ALK: variants seen among roughly 807,000 people sequenced by gnomAD.
The protein encoded by ALK is ALK receptor tyrosine kinase.
A neutral mutation model predicts 163.1 loss-of-function variants in ALK; 74 were observed. The ratio of observed to expected loss-of-function variants is 0.45; its 90% CI spans 0.38 to 0.55. The LOEUF (loss-of-function observed/expected upper bound fraction) is 0.55. Among genes scored for constraint, ALK ranks in the 20% least tolerant of loss-of-function variants. The pLI, the probability that ALK is intolerant of heterozygous loss-of-function variation, is 0.00. For synonymous variants in ALK, 960 were observed against 843.2 expected (o/e 1.14, Z -2.40); for missense variants, 2,063 against 2,105.3 (o/e 0.98, Z 0.39).
chr2:29,222,696 A>G, intron 20 of ALK, 89 bp from the exon 21 acceptor site: 1 of 1,153,210 alleles, frequency 8.7e-7, no homozygotes, highest in Non-Finnish European at 1.3e-6. Context: ...CGTCACATTT[A>G]GTGGACAAAC....
chr2:29,580,099 G>C (rs1674637131), intron 3 of ALK, among the ~76,000 whole-genome samples: 2 of 152,122 alleles, frequency 1.3e-5, no homozygotes, highest in African/African-American at 4.8e-5. Context: ...CTTTCTGCCA[G>C]GGATTTTTGC....
intron 2 of ALK, among the ~76,000 whole-genome samples, chr2:29,697,938 G>C (rs1678621381): frequency 6.6e-6 from 1 of 152,102 alleles, no homozygotes; most frequent in Non-Finnish European, 1.5e-5. Flanking sequence ...CTGCAGAGTG[G>C]GAGCAAAATA....
At chr2:29,354,287 C>T (rs1668189244) in intron 5 of ALK, among the ~76,000 whole-genome samples, 1 of 152,202 alleles carries the variant, frequency 6.6e-6, no homozygotes, top group Non-Finnish European at 1.5e-5. Context: ...TGACTCCTTC[C>T]TGGCTGTGAT....
intron 2 of ALK, among the ~76,000 whole-genome samples, chr2:29,700,378 C>T (rs1303360429): frequency 6.6e-6 from 1 of 152,124 alleles, no homozygotes; most frequent in Admixed American, 6.5e-5. Context: ...AACCCTGTCT[C>T]TACTAAAAAT....
chr2:29,500,336 CCGCTCT>C (rs1672139956), intron 4 of ALK, among the ~76,000 whole-genome samples: 1 of 152,064 alleles, frequency 6.6e-6, no homozygotes, highest in Admixed American at 6.6e-5. Flanking sequence ...GTCCCTGCTA[CCGCTCT>C]TGCTCTTGCT....
chr2:29,294,092 G>A (rs891451911), intron 9 of ALK, among the ~76,000 whole-genome samples: 17 of 152,214 alleles, frequency 1.1e-4, no homozygotes, highest in Non-Finnish European at 8.8e-5. Flanking sequence ...GGGGCAGGTG[G>A]CGCCAGGTGT....
At position 29,359,408 on chromosome 2, in the gene ALK, C is replaced by G. The variant is rs1439464035; in HGVS notation, c.1282+24324G>C. On this transcript the variant is annotated intron_variant, in intron 5 of 28. Transcript: ENST00000389048. ...TTGTCTCCCACACAGAGGAGGGTTCCTGGCAGGGTTGGTGTCCAGGACTTC... is the reference window on the plus strand; with the variant it reads ...TTGTCTCCCACACAGAGGAGGGTTCGTGGCAGGGTTGGTGTCCAGGACTTC... Among the ~76,000 whole-genome samples the G allele has an allele frequency of 2.6e-5, 4 of 152,182 alleles. No individual in the cohort carries two copies. The East Asian group carries it at 7.7e-4, about 29-fold the overall frequency.
At chr2:29,834,750 C>T (rs1195149671) in intron 1 of ALK, among the ~76,000 whole-genome samples, 1 of 152,074 alleles carries the variant, frequency 6.6e-6, no homozygotes, top group Non-Finnish European at 1.5e-5. Flanking sequence ...GCAGTTGGTC[C>T]CAAACCACTT....
intron 3 of ALK, among the ~76,000 whole-genome samples, chr2:29,672,715 TG>T (rs1216408998): frequency 2.6e-5 from 4 of 152,128 alleles, no homozygotes; most frequent in Non-Finnish European, 5.9e-5. Flanking sequence ...CTCGGTCAAA[TG>T]GTATTTCTAC....
rs569046214 is a variant in ALK, at chr2:29,725,909, C to T, written c.668-8212G>A. ...TTTGATAGTTCCAGGTCACTCACTG[C>T]ATTTTCACCTTTCCAGACATGATTT... On this transcript the variant is annotated intron_variant, in intron 1 of 28. Coordinates refer to ENST00000389048, the MANE Select transcript of ALK (RefSeq NM_004304.5). Among the ~76,000 whole-genome samples the T allele has an allele frequency of 2.0e-5, 3 of 152,318 alleles. No homozygotes were observed. In the East Asian group the frequency reaches 5.8e-4, roughly 29 times the overall value.
intron 3 of ALK, among the ~76,000 whole-genome samples, chr2:29,562,654 C>A (rs1009387072): frequency 2.0e-5 from 3 of 152,184 alleles, no homozygotes; most frequent in Non-Finnish European, 4.4e-5. Context: ...TCTGAAACTT[C>A]TCATCCATAA....
At chr2:29,876,625 G>A (rs1357726136) in intron 1 of ALK, among the ~76,000 whole-genome samples, 5 of 151,284 alleles carry the variant, frequency 3.3e-5, no homozygotes, top group African/African-American at 1.2e-4. Flanking sequence ...GCTGATGGTG[G>A]TGATGGCGGT....
At chr2:29,795,890 A>G (rs1484011075) in intron 1 of ALK, among the ~76,000 whole-genome samples, 2 of 152,190 alleles carry the variant, frequency 1.3e-5, no homozygotes, top group Non-Finnish European at 2.9e-5. Flanking sequence ...TATAAAAAGG[A>G]CATAACTGCA....
At chr2:29,638,009 T>C (rs1676591394) in intron 3 of ALK, among the ~76,000 whole-genome samples, 1 of 94,398 alleles carries the variant, frequency 1.1e-5, no homozygotes, top group African/African-American at 3.0e-5. Flanking sequence ...TATATGTCAA[T>C]GAAATAAGCA....
At chr2:29,696,530 T>TAAAAAAAA (rs60320646) in intron 2 of ALK, among the ~76,000 whole-genome samples, 7 of 103,842 alleles carry the variant, frequency 6.7e-5, no homozygotes, top group African/African-American at 1.1e-4. Context: ...CTTAAAGGAT[T>TAAAAAAAA]AAAAAAAAAA....
At chr2:29,862,366 G>A (rs1666318116) in intron 1 of ALK, among the ~76,000 whole-genome samples, 1 of 152,126 alleles carries the variant, frequency 6.6e-6, no homozygotes, top group Non-Finnish European at 1.5e-5. Context: ...TGACACTGTT[G>A]CAGATGACAT....
chr2:29,864,262 T>C (rs1034781852), intron 1 of ALK, among the ~76,000 whole-genome samples: 2 of 152,168 alleles, frequency 1.3e-5, no homozygotes, highest in African/African-American at 4.8e-5. Context: ...TTCCCTGTCT[T>C]GAACACAGCC....
intron 1 of ALK, among the ~76,000 whole-genome samples, chr2:29,909,719 G>C (rs939533882): frequency 6.6e-6 from 1 of 152,172 alleles, no homozygotes; most frequent in Non-Finnish European, 1.5e-5. Context: ...AAGAACCAGA[G>C]AGGAGAGACC....
At chr2:29,645,316 G>A (rs1676840404) in intron 3 of ALK, among the ~76,000 whole-genome samples, 2 of 152,044 alleles carry the variant, frequency 1.3e-5, no homozygotes, top group Non-Finnish European at 2.9e-5. Context: ...TATAAATGAG[G>A]TGTCTTTCCT....
Sources: gnomAD v4.1 joint callset for allele counts (sites outside exome capture counted in the v4.1 genomes callset) on GRCh38, gnomAD v4.1.1 for gene constraint, MANE v1.5 for transcripts, NCBI Gene and HGNC (gene_info 2026-07-23, HGNC 2026-07-21) for gene names.